The following NLRP8 variants were observed in gnomAD, a reference collection of about 807,000 sequenced individuals.
NLRP8 encodes NACHT, LRR and PYD domains-containing protein 8.
A neutral mutation model predicts 88.7 loss-of-function variants in NLRP8; 86 were observed. The ratio of observed to expected loss-of-function variants is 0.97; its 90% CI spans 0.81 to 1.16. The LOEUF (loss-of-function observed/expected upper bound fraction) is 1.16. Ranked by LOEUF, NLRP8 falls within the 50% of genes most tolerant of loss-of-function variation. The probability of loss-of-function intolerance (pLI) is 0.00; values close to 1 mark genes in which losing one functional copy is unlikely to be tolerated. For synonymous variants in NLRP8, 504 were observed against 494.6 expected, an observed-to-expected ratio of 1.02 and a Z score of -0.25; for missense variants, 1,342 against 1,286.5, an observed-to-expected ratio of 1.04 and a Z score of -0.66.
chr19:55,952,420 A>G, intron 1 of NLRP8, 118 bp from the exon 2 acceptor site: 3 of 740,786 alleles, frequency 4.0e-6, no homozygotes, highest in East Asian at 5.0e-5. Context: ...TGGTGAGAGG[A>G]TGAGACTCTG....
chr19:55,963,019 C>A (rs934051989), intron 4 of NLRP8, among the ~76,000 whole-genome samples: 1 of 151,626 alleles, frequency 6.6e-6, no homozygotes, highest in African/African-American at 2.4e-5. Flanking sequence ...TACTATTATC[C>A]CCCCCCTTTT....
intron 9 of NLRP8, among the ~76,000 whole-genome samples, chr19:55,986,468 T>TCACA (rs1980831788): frequency 3.9e-5 from 1 of 25,646 alleles, no homozygotes; most frequent in African/African-American, 1.3e-4. Flanking sequence ...ACACACTCTC[T>TCACA]CACATACACA....
intron 4 of NLRP8, 123 bp downstream of exon 4, chr19:55,962,360 C>T (rs529295033): frequency 3.6e-5 from 38 of 1,068,794 alleles, no homozygotes; most frequent in Middle Eastern, 3.1e-4. Flanking sequence ...CAGCCTTGGA[C>T]GGAGGTGCAG....
At chr19:55,987,519 C>G (rs1980904435) in intron 9 of NLRP8, among the ~76,000 whole-genome samples, 1 of 152,142 alleles carries the variant, frequency 6.6e-6, no homozygotes, top group Non-Finnish European at 1.5e-5. Flanking sequence ...ATTGAAATGC[C>G]ATACAATTCT....
At chr19:55,958,784 C>T (rs1415058881) in intron 3 of NLRP8, among the ~76,000 whole-genome samples, 1 of 152,202 alleles carries the variant, frequency 6.6e-6, no homozygotes, top group Non-Finnish European at 1.5e-5. Context: ...CTCCTGGGCT[C>T]AAGAAATGCT....
intron 5 of NLRP8, among the ~76,000 whole-genome samples, chr19:55,969,904 G>A (rs1169690015): frequency 6.6e-6 from 1 of 152,148 alleles, no homozygotes; most frequent in African/African-American, 2.4e-5. Context: ...AGCCCACCTT[G>A]AGGCCGAAAT....
chr19:55,955,706 A>T lies in NLRP8; in HGVS notation c.1648A>T (p.Ser550Cys). The change falls in exon 3 of 10, where the codon AGC (serine) becomes TGC (cysteine). Residue 550 changes from serine (S) to cysteine (C), a missense_variant. By Grantham distance (112) the Ser-to-Cys change is moderately radical. Coordinates refer to ENST00000291971, the MANE Select transcript of NLRP8 (RefSeq NM_176811.2). ...GATAGCGAGTCCCAGAGGAAGCAAA[A>T]GCTATCTCTCTCACATGGGACTTTT... 6.2e-7 allele frequency: 1 copy of T among 1,613,980 alleles called. No individual in the cohort carries two copies. The highest frequency in any genetic ancestry group is 8.5e-7 in the Non-Finnish European group (1 of 1,179,872).
At chr19:55,973,890 A>G in intron 7 of NLRP8, 68 bp downstream of exon 7, 2 of 1,442,300 alleles carry the variant, frequency 1.4e-6, no homozygotes, top group Non-Finnish European at 1.9e-6. Context: ...AGAACCTGTT[A>G]TATATTCATT....
Position 55,960,338 on chromosome 19 carries a change from TC to T in NLRP8, c.2043-1728del, listed in dbSNP as rs141070123. On this transcript the variant is annotated intron_variant, in intron 3 of 9. Transcript: ENST00000291971. ...ATGGCTACATCAGACCATGTTTTTT[TC>T]ATGTCTACTCCCAACTTATGTGGGC... Among the ~76,000 whole-genome samples, 1,277 of 152,344 alleles carry T rather than the reference TC, an allele frequency of 8.4e-3. 16 individuals are homozygous for T. The highest frequency in any genetic ancestry group is 0.029 in the African/African-American group (1,185 of 41,572).
chr19:55,949,551 A>T (rs754599219), intron 1 of NLRP8, among the ~76,000 whole-genome samples: 3 of 152,080 alleles, frequency 2.0e-5, no homozygotes, highest in Non-Finnish European at 1.5e-5. Context: ...ATATGTATTT[A>T]AAAAAATCAG....
intron 3 of NLRP8, 74 bp downstream of exon 3, chr19:55,956,174 G>A: frequency 1.4e-6 from 2 of 1,427,486 alleles, no homozygotes; most frequent in South Asian, 2.7e-5. Flanking sequence ...GGGTGTTTAG[G>A]GGGTCAATCT....
At position 55,970,687 on chromosome 19, in the gene NLRP8, A is replaced by T. The variant is rs1297095469; in HGVS notation, c.2525A>T (p.Glu842Val). ...TATTACCTGTCTGTGGCCCAGCTGG[A>T]GAGGCTGTCGTAAGTCTCCTTTCTA... is the stretch of plus-strand genomic sequence containing the variant. The change falls in exon 6 of 10, where the codon GAG becomes GTG. Residue 842 changes from glutamate to valine, a missense_variant. Glu to Val is a moderately radical substitution (Grantham distance 121). Transcript: ENST00000291971. 6.2e-7 allele frequency: 1 copy of T among 1,613,962 alleles called. No homozygotes were observed. Among genetic ancestry groups the T allele is most frequent in the Non-Finnish European group, 8.5e-7 (1 of 1,179,936 alleles).
At chr19:55,966,024 G>T (rs1979821330) in intron 4 of NLRP8, among the ~76,000 whole-genome samples, 189 bp from the exon 5 acceptor site, 1 of 152,106 alleles carries the variant, frequency 6.6e-6, no homozygotes, top group African/African-American at 2.4e-5. Flanking sequence ...GTTTTCCCAG[G>T]ATAGGACCTG....
intron 3 of NLRP8, 120 bp from the exon 4 acceptor site, chr19:55,961,947 C>A (rs1033530859): frequency 6.6e-5 from 57 of 861,020 alleles, no homozygotes; most frequent in Non-Finnish European, 9.9e-5. Context: ...ATGAGGATGT[C>A]TTAGAGTCAC....
chr19:55,954,625 AC>A lies in NLRP8; in HGVS notation c.569del (p.Pro190HisfsTer34), dbSNP rs750222850. The A allele has an allele frequency of 2.0e-5, 33 of 1,614,152 alleles. No homozygotes were observed. Among genetic ancestry groups the A allele is most frequent in the African/African-American group, 5.3e-5 (4 of 75,036 alleles). On this transcript the variant is annotated frameshift_variant, in exon 3 of 10. Transcript: ENST00000291971. LOFTEE classifies it high-confidence loss of function. Reference sequence around the variant, plus strand: ...GTGTACACAGGCACGAGGAGTACTTACCATGTCTGCTTCTGCCCAAAAGACC... The same window carrying A: ...GTGTACACAGGCACGAGGAGTACTTACATGTCTGCTTCTGCCCAAAAGACC...
chr19:55,950,575 G>T (rs1979048533), intron 1 of NLRP8, among the ~76,000 whole-genome samples: 1 of 152,160 alleles, frequency 6.6e-6, no homozygotes, highest in South Asian at 2.1e-4. Flanking sequence ...TTCCCAGACA[G>T]CAACGCAGCA....
rs1979645642 is a variant in NLRP8, at chr19:55,962,212, C to T, written c.2188C>T (p.Pro730Ser). The change falls in exon 4 of 10, where the codon CCT becomes TCT. Residue 730 changes from proline to serine, a missense_variant. By Grantham distance (74) the Pro-to-Ser change is moderately conservative. Coordinates refer to ENST00000291971, the MANE Select transcript of NLRP8 (RefSeq NM_176811.2). Reference sequence around the variant, plus strand: ...GGCTCTCGCGGCCGCACTGAGGCACCCTCAGTGCAAACTGCAAAAGCTACT... The same window carrying T: ...GGCTCTCGCGGCCGCACTGAGGCACTCTCAGTGCAAACTGCAAAAGCTACT... 1 of 1,613,834 alleles carries T rather than the reference C, an allele frequency of 6.2e-7. No individual in the cohort carries two copies. Among genetic ancestry groups the T allele is most frequent in the Non-Finnish European group, 8.5e-7 (1 of 1,179,956 alleles).
rs749348267 is a variant in NLRP8, at chr19:55,947,973, T to C, written c.71T>C (p.Ile24Thr). The C allele has an allele frequency of 4.3e-6, 7 of 1,614,116 alleles. No homozygotes were observed. Among genetic ancestry groups the C allele is most frequent in the Non-Finnish European group, 5.1e-6 (6 of 1,180,022 alleles). ...TCCTCCTCCACTCACAGTTCTCATA[T>C]TCCGCCCTGGACATTCTCTTGCTAC... The change falls in exon 1 of 10, where the codon ATT becomes ACT. Residue 24 changes from isoleucine to threonine, a missense_variant. Coordinates refer to ENST00000291971, the MANE Select transcript of NLRP8 (RefSeq NM_176811.2).
chr19:55,978,261 C>T (rs911981353), intron 8 of NLRP8, among the ~76,000 whole-genome samples: 8 of 152,034 alleles, frequency 5.3e-5, no homozygotes, highest in Admixed American at 6.6e-5. Context: ...TGGAGATATA[C>T]GTAATGTTAA....
Sources: gnomAD v4.1 joint callset for allele counts (sites outside exome capture counted in the v4.1 genomes callset) on GRCh38, gnomAD v4.1.1 for gene constraint, MANE v1.5 for transcripts, NCBI Gene and HGNC (gene_info 2026-07-23, HGNC 2026-07-21) for gene names.